Variants in WDFY2 observed in about 807,000 individuals in gnomAD.
WDFY2 encodes the protein WD repeat and FYVE domain-containing protein 2.
WDFY2 carries 36 observed loss-of-function variants against 56.4 expected under a neutral mutation model. The observed-to-expected ratio is 0.64, with a 90% CI of 0.49 to 0.84. The LOEUF is 0.84. Ranked by LOEUF, WDFY2 falls within the 40% of genes least tolerant of loss-of-function variation. The probability of loss-of-function intolerance (pLI) is 0.00; values close to 1 mark genes in which losing one functional copy is unlikely to be tolerated. For synonymous variants in WDFY2, 176 were observed against 183.7 expected (o/e 0.96, Z 0.34); for missense variants, 444 against 512.2 (o/e 0.87, Z 1.29).
intron 1 of WDFY2, among the ~76,000 whole-genome samples, chr13:51,633,380 A>C (rs1416479705): frequency 6.6e-6 from 1 of 152,192 alleles, no homozygotes; most frequent in Non-Finnish European, 1.5e-5. Flanking sequence ...GAACTGTATA[A>C]CATTGGTCAT....
chr13:51,584,462 G>C lies in WDFY2; in HGVS notation c.-226G>C. 1.8e-6 allele frequency: 1 copy of C among 558,406 alleles called. No homozygotes were observed. The highest frequency in any genetic ancestry group is 3.0e-6 in the Non-Finnish European group (1 of 331,726). The allele number at this position is 558,406 out of a possible 1,614,324, so 34.6% of individuals were successfully genotyped here. A position where few individuals can be genotyped will look rare whatever the true frequency, so the allele number is the denominator to read the frequency against. ...CCCCGGCGCTCCGCCCCCTCCTCTTGTAGTGGCGCCGGCTTGCATCCCAGG... is the reference window on the plus strand; with the variant it reads ...CCCCGGCGCTCCGCCCCCTCCTCTTCTAGTGGCGCCGGCTTGCATCCCAGG... On this transcript the variant is annotated 5_prime_UTR_variant, in exon 1 of 12. Transcript: ENST00000298125.
intron 1 of WDFY2, among the ~76,000 whole-genome samples, chr13:51,598,111 G>A (rs914948238): frequency 3.0e-4 from 46 of 152,202 alleles, no homozygotes; most frequent in African/African-American, 1.1e-3. Context: ...TGTAATCCCA[G>A]CACTTTGGGA....
chr13:51,741,103 A>G (rs1267167198), intron 7 of WDFY2, among the ~76,000 whole-genome samples: 1 of 152,232 alleles, frequency 6.6e-6, no homozygotes, highest in Non-Finnish European at 1.5e-5. Context: ...ATAAAACTTT[A>G]ACAAATAGCT....
chr13:51,716,103 G>C (rs888100787), intron 4 of WDFY2, among the ~76,000 whole-genome samples: 1 of 152,114 alleles, frequency 6.6e-6, no homozygotes, highest in Admixed American at 6.5e-5. Flanking sequence ...CTTATGCTAA[G>C]AGAAAAAAGC....
At chr13:51,759,461 C>T (rs2138778325) in intron 11 of WDFY2, among the ~76,000 whole-genome samples, 1 of 152,328 alleles carries the variant, frequency 6.6e-6, no homozygotes, top group African/African-American at 2.4e-5. Flanking sequence ...GGAGGATCTG[C>T]AGTGTAGCTT....
chr13:51,609,232 G>A lies in WDFY2; in HGVS notation c.137+24408G>A, dbSNP rs568045185. 9.8e-5 allele frequency among the ~76,000 whole-genome samples: 15 copies of A among 152,296 alleles called. No homozygotes were observed. The South Asian group carries it at 3.1e-3, about 32-fold the overall frequency. On this transcript the variant is annotated intron_variant, in intron 1 of 11. Coordinates refer to ENST00000298125, the MANE Select transcript of WDFY2 (RefSeq NM_052950.4). Reference sequence around the variant, plus strand: ...CACGTCAAGAAATTGAATATTGTTAGCACCTTGTATACCCTCTACTGATCA... The same window carrying A: ...CACGTCAAGAAATTGAATATTGTTAACACCTTGTATACCCTCTACTGATCA...
At chr13:51,659,909 T>C (rs1251772829) in intron 1 of WDFY2, among the ~76,000 whole-genome samples, 1 of 152,188 alleles carries the variant, frequency 6.6e-6, no homozygotes, top group African/African-American at 2.4e-5. Context: ...CTCTTTGTAG[T>C]CCCTTCACTA....
At chr13:51,742,068 A>G (rs902249817) in intron 7 of WDFY2, among the ~76,000 whole-genome samples, 4 of 152,234 alleles carry the variant, frequency 2.6e-5, no homozygotes, top group Non-Finnish European at 4.4e-5. Flanking sequence ...CGGGGAGAGC[A>G]GACTGGCCTC....
chr13:51,719,593 G>T (rs1447161263), intron 5 of WDFY2, among the ~76,000 whole-genome samples: 2 of 152,196 alleles, frequency 1.3e-5, no homozygotes, highest in African/African-American at 4.8e-5. Context: ...GTAACATGAG[G>T]TGTGACATCT....
At chr13:51,758,800 C>T (rs1953484095) in intron 11 of WDFY2, among the ~76,000 whole-genome samples, 1 of 152,186 alleles carries the variant, frequency 6.6e-6, no homozygotes, top group Non-Finnish European at 1.5e-5. Flanking sequence ...ACCTCCCTGA[C>T]CCATTCTTGG....
intron 4 of WDFY2, among the ~76,000 whole-genome samples, chr13:51,706,879 G>A (rs868675734): frequency 4.6e-5 from 7 of 152,002 alleles, no homozygotes; most frequent in South Asian, 2.1e-4. Context: ...TATCACAAAC[G>A]GGATGATTGG....
intron 4 of WDFY2, among the ~76,000 whole-genome samples, chr13:51,705,999 T>C (rs1566154903): frequency 6.6e-6 from 1 of 152,208 alleles, no homozygotes; most frequent in Non-Finnish European, 1.5e-5. Flanking sequence ...ATTTCCTATG[T>C]CTTTGTTAAA....
intron 1 of WDFY2, among the ~76,000 whole-genome samples, chr13:51,644,547 A>T (rs1955231281): frequency 6.6e-6 from 1 of 152,226 alleles, no homozygotes; most frequent in Admixed American, 6.5e-5. Flanking sequence ...CCAAGGGGAG[A>T]TGGCTGGAAT....
At chr13:51,617,098 T>C (rs1954633742) in intron 1 of WDFY2, among the ~76,000 whole-genome samples, 1 of 152,224 alleles carries the variant, frequency 6.6e-6, no homozygotes, top group South Asian at 2.1e-4. Context: ...TTTATTCCAA[T>C]TTTATAAAGG....
At chr13:51,756,546 C>G (rs991346813) in intron 10 of WDFY2, 84 bp downstream of exon 10, 7 of 1,500,776 alleles carry the variant, frequency 4.7e-6, no homozygotes, top group Admixed American at 2.2e-5. Context: ...AACCATCACT[C>G]AGGTTGCTCT....
intron 7 of WDFY2, among the ~76,000 whole-genome samples, chr13:51,739,746 G>C (rs775939486): frequency 3.9e-5 from 6 of 152,176 alleles, no homozygotes; most frequent in Non-Finnish European, 8.8e-5. Flanking sequence ...AAACTTTGCT[G>C]GGTACAGAGA....
chr13:51,730,498 A>G (rs1426655320), intron 6 of WDFY2, among the ~76,000 whole-genome samples: 1 of 152,074 alleles, frequency 6.6e-6, no homozygotes, highest in African/African-American at 2.4e-5. Flanking sequence ...CATCTCAGCC[A>G]TTCCTCCCAG....
intron 1 of WDFY2, among the ~76,000 whole-genome samples, chr13:51,648,056 C>T (rs1412195630): frequency 6.6e-6 from 1 of 152,176 alleles, no homozygotes. Flanking sequence ...ATCAGACTGG[C>T]TACTGTGCTG....
chr13:51,709,071 A>G (rs918454196), intron 4 of WDFY2, among the ~76,000 whole-genome samples: 4 of 152,176 alleles, frequency 2.6e-5, no homozygotes, highest in Non-Finnish European at 4.4e-5. Context: ...AATATTTTCA[A>G]TAATTTATTG....
Sources: gnomAD v4.1 joint callset for allele counts (sites outside exome capture counted in the v4.1 genomes callset) on GRCh38, gnomAD v4.1.1 for gene constraint, MANE v1.5 for transcripts, NCBI Gene and HGNC (gene_info 2026-07-23, HGNC 2026-07-21) for gene names.